Variants in ULK2 observed in about 807,000 individuals in gnomAD.
The protein encoded by ULK2 is unc-51 like autophagy activating kinase 2.
Under a neutral mutation model 127.5 loss-of-function variants are expected in ULK2, and 76 were observed. The observed-to-expected ratio is 0.60, with a 90% confidence interval of 0.50 to 0.72. The LOEUF (loss-of-function observed/expected upper bound fraction) is 0.72, where lower values mean the gene tolerates loss of function less well. ULK2 is among the 30% of genes least tolerant of loss of function. The pLI is 0.00. For synonymous variants in ULK2, 452 were observed against 461.9 expected, an observed-to-expected ratio of 0.98 and a Z score of 0.28; for missense variants, 1,144 against 1,295.9, an observed-to-expected ratio of 0.88 and a Z score of 1.80.
chr17:19,818,322 CAA>C (rs1333097274), intron 12 of ULK2, among the ~76,000 whole-genome samples: 22 of 62,662 alleles, frequency 3.5e-4, no homozygotes, highest in Non-Finnish European at 2.4e-4. Context: ...GACTCCGTCT[CAA>C]AAAAAAAAAA....
At chr17:19,833,134 A>G (rs2041503658) in intron 10 of ULK2, among the ~76,000 whole-genome samples, 1 of 20,668 alleles carries the variant, frequency 4.8e-5, no homozygotes. Context: ...AAGGAAAAAA[A>G]AAAAAAAAAA....
At position 19,772,815 on chromosome 17, in the gene ULK2, A is replaced by T. The variant is rs191152077; in HGVS notation, c.*3534T>A. 1.3e-5 allele frequency: 2 copies of T among 151,822 alleles called. No homozygotes were observed. Among genetic ancestry groups the T allele is most frequent in the African/African-American group, 2.4e-5 (1 of 41,268 alleles). 9.4% of individuals were successfully genotyped at this position (151,822 alleles called of 1,614,324 possible). On this transcript the variant is annotated 3_prime_UTR_variant, in exon 27 of 27. Coordinates refer to ENST00000395544, the MANE Select transcript of ULK2 (RefSeq NM_014683.4). ...ACACGGTGAAACCCTGCCTCTACTA[A>T]AAAATACAAAAAATCAGCCGGGCGT... is the stretch of plus-strand genomic sequence containing the variant.
chr17:19,803,304 A>G (rs753927067), intron 15 of ULK2, among the ~76,000 whole-genome samples: 3 of 152,216 alleles, frequency 2.0e-5, no homozygotes, highest in Non-Finnish European at 4.4e-5. Context: ...ATTTTTTCAA[A>G]GAAAAATATT....
intron 9 of ULK2, chr17:19,840,536 T>G: frequency 2.6e-6 from 1 of 383,298 alleles, no homozygotes; most frequent in South Asian, 2.6e-5. Context: ...GATGACTATA[T>G]GTACTCCTGC....
At chr17:19,777,482 A>G in intron 26 of ULK2, 99 bp downstream of exon 26, 1 of 1,355,554 alleles carries the variant, frequency 7.4e-7, no homozygotes, top group Non-Finnish European at 9.9e-7. Context: ...CCACGATTCA[A>G]ACCAAGGCAG....
At chr17:19,837,289 G>T (rs564427724) in intron 10 of ULK2, among the ~76,000 whole-genome samples, 1 of 151,898 alleles carries the variant, frequency 6.6e-6, no homozygotes, top group African/African-American at 2.4e-5. Flanking sequence ...AGGTGGTGTT[G>T]TACACCTGTA....
In ULK2 at chr17:19,781,928, A is replaced by G; in HGVS notation, c.2600T>C (p.Val867Ala). Residue 867 changes from valine (V) to alanine (A), a missense_variant, in exon 23 of 27, where the codon GTG becomes GCG. By Grantham distance (64) the Val-to-Ala change is moderately conservative. Coordinates refer to ENST00000395544, the MANE Select transcript of ULK2 (RefSeq NM_014683.4). ...AVSLYQIQES[V>A]VVDQISQLSK... ...CAGCTGACTGATCTGGTCCACCACC[A>G]CACTCTCCTGGATCTGGTACAAGGA... is the stretch of plus-strand genomic sequence containing the variant. The G allele has an allele frequency of 6.2e-7, 1 of 1,614,170 alleles. No homozygotes were observed. Among genetic ancestry groups the G allele is most frequent in the Non-Finnish European group, 8.5e-7 (1 of 1,180,022 alleles).
intron 10 of ULK2, 119 bp downstream of exon 10, chr17:19,838,382 A>G: frequency 2.3e-6 from 2 of 859,646 alleles, no homozygotes; most frequent in South Asian, 3.3e-5. Context: ...CCAGTGAAGG[A>G]AATAAACAAA....
intron 4 of ULK2, 151 bp from the exon 5 acceptor site, chr17:19,849,556 T>C (rs2041967660): frequency 2.1e-6 from 2 of 949,306 alleles, no homozygotes; most frequent in Non-Finnish European, 3.1e-6. Flanking sequence ...TTAAATTTTA[T>C]ATTCCTTGAG....
At chr17:19,799,979 C>T (rs920891183) in intron 16 of ULK2, among the ~76,000 whole-genome samples, 2 of 152,204 alleles carry the variant, frequency 1.3e-5, no homozygotes, top group African/African-American at 2.4e-5. Flanking sequence ...AGGGCTGTTC[C>T]CAGCCAATGA....
At chr17:19,849,690 A>G in intron 4 of ULK2, 52 bp downstream of exon 4, 1 of 1,308,212 alleles carries the variant, frequency 7.6e-7, no homozygotes, top group Non-Finnish European at 1.0e-6. Flanking sequence ...AATCTAAAAA[A>G]AAAAAAAAAG....
At chr17:19,821,193 G>A (rs2041133221) in intron 12 of ULK2, among the ~76,000 whole-genome samples, 1 of 152,130 alleles carries the variant, frequency 6.6e-6, no homozygotes, top group Non-Finnish European at 1.5e-5. Flanking sequence ...TGTAATCCCA[G>A]CTACTCGGGA....
At chr17:19,838,665 T>A in intron 9 of ULK2, 82 bp from the exon 10 acceptor site, 1 of 1,144,930 alleles carries the variant, frequency 8.7e-7, no homozygotes, top group Non-Finnish European at 1.3e-6. Flanking sequence ...TATAGTAAAC[T>A]AAAACGTGTA....
chr17:19,840,520 G>A (rs1597796671), intron 9 of ULK2: 1 of 430,326 alleles, frequency 2.3e-6, no homozygotes. Context: ...TATTAAGTCT[G>A]TCAATGATGA....
chr17:19,867,228 G>C lies in ULK2; in HGVS notation c.90+100C>G, dbSNP rs780112147. 1.8e-4 allele frequency: 169 copies of C among 920,684 alleles called. 1 individual carries two copies. The highest frequency in any genetic ancestry group is 2.6e-4 in the Admixed American group (7 of 26,650). The allele number at this position is 920,684 out of a possible 1,614,324, so 57.0% of individuals were successfully genotyped here. ...GCACAATAGCATACCCGGGCGGCTA[G>C]CCGAGTCGGGGGTCTCGGCTCGCGG... On this transcript the variant is annotated intron_variant, in intron 1 of 26. Transcript: ENST00000395544.
chr17:19,863,487 G>A (rs1005519036), intron 3 of ULK2, among the ~76,000 whole-genome samples: 20 of 148,760 alleles, frequency 1.3e-4, no homozygotes, highest in Non-Finnish European at 3.0e-4. Flanking sequence ...CTAGCTACAT[G>A]TGATTCTAGT....
intron 15 of ULK2, among the ~76,000 whole-genome samples, chr17:19,802,428 T>A (rs535766396): frequency 8.5e-5 from 13 of 152,162 alleles, no homozygotes; most frequent in Non-Finnish European, 1.6e-4. Flanking sequence ...GCTTATTCCA[T>A]GTAATATAAG....
At chr17:19,815,787 T>C (rs548346898) in intron 13 of ULK2, among the ~76,000 whole-genome samples, 18 of 152,260 alleles carry the variant, frequency 1.2e-4, no homozygotes, top group African/African-American at 3.4e-4. Context: ...CACACCAACA[T>C]GGCACATGTA....
At chr17:19,794,229 C>A (rs2087216693) in intron 20 of ULK2, among the ~76,000 whole-genome samples, 1 of 152,078 alleles carries the variant, frequency 6.6e-6, no homozygotes, top group Non-Finnish European at 1.5e-5. Flanking sequence ...AGACTAAGAA[C>A]AATGGAGCCA....
Sources: allele counts gnomAD v4.1 joint callset (sites outside exome capture counted in the v4.1 genomes callset), GRCh38; gene constraint gnomAD v4.1.1; transcripts MANE v1.5; gene names NCBI Gene and HGNC (gene_info 2026-07-23, HGNC 2026-07-21).